The following ACSBG1 variants were observed in gnomAD, a reference collection of about 807,000 sequenced individuals.
The protein encoded by ACSBG1 is long-chain-fatty-acid--CoA ligase ACSBG1.
ACSBG1 carries 39 observed loss-of-function variants against 80.2 expected under a neutral mutation model. The ratio of observed to expected loss-of-function variants is 0.49; its 90% CI spans 0.38 to 0.64. ACSBG1 has a LOEUF of 0.64. Among genes scored for constraint, ACSBG1 ranks in the 30% least tolerant of loss-of-function variants. The probability of loss-of-function intolerance (pLI) is 0.00; values close to 1 mark genes in which losing one functional copy is unlikely to be tolerated. For synonymous variants in ACSBG1, 392 were observed against 379.5 expected, an observed-to-expected ratio of 1.03 and a Z score of -0.38; for missense variants, 828 against 966.4, an observed-to-expected ratio of 0.86 and a Z score of 1.90.
chr15:78,204,787 G>A (rs1375799347), intron 2 of ACSBG1, among the ~76,000 whole-genome samples: 2 of 152,186 alleles, frequency 1.3e-5, no homozygotes, highest in Admixed American at 6.5e-5. Context: ...GCTTCTTGAG[G>A]ACAAGCATTG....
intron 2 of ACSBG1, 77 bp downstream of exon 2, chr15:78,207,925 A>ACCACCCCCCCCC: frequency 2.2e-6 from 1 of 454,978 alleles, no homozygotes; most frequent in Admixed American, 2.6e-5. Flanking sequence ...GGTCCCCCAC[A>ACCACCCCCCCCC]CCACCCACCC....
intron 9 of ACSBG1, 99 bp from the exon 10 acceptor site, chr15:78,179,879 T>C (rs906654705): frequency 9.6e-7 from 1 of 1,040,194 alleles, no homozygotes; most frequent in African/African-American, 1.6e-5. Context: ...TGGTATTCAG[T>C]GAGAACACCC....
intron 1 of ACSBG1, among the ~76,000 whole-genome samples, chr15:78,231,170 G>A (rs1175109074): frequency 6.6e-6 from 1 of 152,046 alleles, no homozygotes; most frequent in South Asian, 2.1e-4. Context: ...GCCCAGGCTG[G>A]AGTGCAATGG....
chr15:78,173,866 C>T (rs774096718), intron 12 of ACSBG1, 27 bp from the exon 13 acceptor site: 1 of 1,606,016 alleles, frequency 6.2e-7, no homozygotes, highest in Admixed American at 1.7e-5. Context: ...CAGATGAGGA[C>T]CAAGCCTTAC....
chr15:78,211,521 C>T (rs1232882981), intron 1 of ACSBG1, among the ~76,000 whole-genome samples: 1 of 152,252 alleles, frequency 6.6e-6, no homozygotes, highest in Non-Finnish European at 1.5e-5. Flanking sequence ...CATTCTCTGA[C>T]CTCAGCTCAC....
At chr15:78,197,405 C>T (rs2141352808) in intron 2 of ACSBG1, among the ~76,000 whole-genome samples, 1 of 152,072 alleles carries the variant, frequency 6.6e-6, no homozygotes, top group South Asian at 2.1e-4. Flanking sequence ...TAAATTATAG[C>T]TCAATAAAGC....
At chr15:78,188,115 C>A (rs2075023062) in intron 5 of ACSBG1, among the ~76,000 whole-genome samples, 1 of 152,170 alleles carries the variant, frequency 6.6e-6, no homozygotes, top group Non-Finnish European at 1.5e-5. Flanking sequence ...ATTCAACTTA[C>A]AAGGGACGTG....
chr15:78,215,766 G>GAA, intron 1 of ACSBG1, among the ~76,000 whole-genome samples: 1 of 150,042 alleles, frequency 6.7e-6, no homozygotes, highest in East Asian at 2.0e-4. Context: ...AAGAAAGAAA[G>GAA]AAAGAAAGAA....
At chr15:78,182,861 G>A (rs1367825306) in intron 5 of ACSBG1, 76 bp from the exon 6 acceptor site, 4 of 1,531,972 alleles carry the variant, frequency 2.6e-6, no homozygotes, top group African/African-American at 1.4e-5. Flanking sequence ...ATCTCCCTGT[G>A]TGAGTCGGCT....
chr15:78,217,319 T>C (rs1387185611), intron 1 of ACSBG1, among the ~76,000 whole-genome samples: 1 of 152,186 alleles, frequency 6.6e-6, no homozygotes, highest in Non-Finnish European at 1.5e-5. Flanking sequence ...ATGAGGAAAC[T>C]GAGATACAGA....
At chr15:78,212,544 C>T (rs1436626316) in intron 1 of ACSBG1, 2 of 455,804 alleles carry the variant, frequency 4.4e-6, no homozygotes, top group Non-Finnish European at 4.4e-6. Context: ...CTCCTTGTTC[C>T]TTACGCAGTC....
rs71148506 is a variant in ACSBG1 at position 78,226,793 on chromosome 15, T to TATATATATATA, written c.131+7577_131+7578insTATATATATAT. On this transcript the variant is annotated intron_variant, in intron 1 of 13. Coordinates refer to ENST00000258873, the MANE Select transcript of ACSBG1 (RefSeq NM_015162.5). Reference sequence around the variant, plus strand: ...AGTAGAACACATAGAAAAATATATATATATATATAATATATATATATGACC... The same window carrying TATATATATATA: ...AGTAGAACACATAGAAAAATATATATATATATATATAATATATATAATATATATATATGACC... 1.4e-4 allele frequency among the ~76,000 whole-genome samples: 18 copies of TATATATATATA among 128,962 alleles called. 1 individual carries two copies. Among genetic ancestry groups the TATATATATATA allele is most frequent in the East Asian group, 4.6e-4 (2 of 4,388 alleles). The allele number at this position is 128,962 out of a possible 152,430, so 84.6% of individuals were successfully genotyped here.
At position 78,181,103 on chromosome 15, in the gene ACSBG1, G is replaced by C. The variant is rs976113432; in HGVS notation, c.1072-167C>G. On this transcript the variant is annotated intron_variant, in intron 8 of 13. Transcript: ENST00000258873. Reference sequence around the variant, plus strand: ...CTGTTTCCTCAATGGCTGTCGCCTTGCTTTTTGCTCACAGAACCCTGGTGG... The same window carrying C: ...CTGTTTCCTCAATGGCTGTCGCCTTCCTTTTTGCTCACAGAACCCTGGTGG... 6.2e-6 allele frequency: 5 copies of C among 802,610 alleles called. No individual in the cohort carries two copies. In the African/African-American group the frequency reaches 8.7e-5, roughly 14 times the overall value. The allele number at this position is 802,610 out of a possible 1,614,324, so 49.7% of individuals were successfully genotyped here.
chr15:78,171,592 G>C, intron 13 of ACSBG1, 63 bp from the exon 14 acceptor site: 1 of 1,373,300 alleles, frequency 7.3e-7, no homozygotes, highest in Non-Finnish European at 1.0e-6. Context: ...GAATGTGTGT[G>C]GTAAAGACTC....
rs576299140 is a variant in ACSBG1 at position 78,196,698 on chromosome 15, T to C, written c.233-1972A>G. On this transcript the variant is annotated intron_variant, in intron 2 of 13. Transcript: ENST00000258873. ...ACAGCATTGTTTATGAGTCAAAAAA[T>C]TGAAACAACCCAAATGTCCACTGAC... Among the ~76,000 whole-genome samples the C allele has an allele frequency of 3.9e-5, 6 of 152,172 alleles. No individual in the cohort carries two copies. The South Asian group carries it at 8.3e-4, about 21-fold the overall frequency.
chr15:78,197,218 T>G (rs1489003863), intron 2 of ACSBG1, among the ~76,000 whole-genome samples: 1 of 151,870 alleles, frequency 6.6e-6, no homozygotes, highest in Non-Finnish European at 1.5e-5. Context: ...AGAAAGCAGA[T>G]TCGTGTTTGC....
At position 78,177,724 on chromosome 15, in the gene ACSBG1, G is replaced by A. The variant is rs2074897018; in HGVS notation, c.1702+890C>T. Among the ~76,000 whole-genome samples, 1 of 152,030 alleles carries A rather than the reference G, an allele frequency of 6.6e-6. No individual in the cohort carries two copies. The highest frequency in any genetic ancestry group is 6.6e-5 in the Admixed American group (1 of 15,258). On this transcript the variant is annotated intron_variant, in intron 11 of 13. Transcript: ENST00000258873. The surrounding 1 kb of genome is among the most constrained non-coding windows in gnomAD (Gnocchi z 4.1). ...CTCCATGGCCATCAGTTGGGTCCTG[G>A]GCATGGTCGCACACTGCCTGCATGA...
At chr15:78,185,086 A>G (rs1365783884) in intron 5 of ACSBG1, among the ~76,000 whole-genome samples, 3 of 151,846 alleles carry the variant, frequency 2.0e-5, no homozygotes, top group African/African-American at 7.3e-5. Flanking sequence ...AGAGAGGAAT[A>G]CAGAACCCAG....
At chr15:78,195,428 C>T (rs543180185) in intron 2 of ACSBG1, among the ~76,000 whole-genome samples, 1 of 151,706 alleles carries the variant, frequency 6.6e-6, no homozygotes, top group Admixed American at 6.5e-5. Context: ...GATTCCACAG[C>T]TCACACTTAG....
Sources: allele counts gnomAD v4.1 joint callset (sites outside exome capture counted in the v4.1 genomes callset), GRCh38; gene constraint gnomAD v4.1.1; non-coding constraint Gnocchi (gnomAD v3.1); transcripts MANE v1.5; gene names NCBI Gene and HGNC (gene_info 2026-07-23, HGNC 2026-07-21).